The following NFILZ variants were observed in gnomAD, a reference collection of about 807,000 sequenced individuals.
NFILZ encodes the protein NFIL3 like basic leucine zipper.
chr19:8,645,988 T>C (rs1303347769), intron 3 of NFILZ, among the ~76,000 whole-genome samples: 1 of 152,232 alleles, frequency 6.6e-6, no homozygotes, highest in East Asian at 1.9e-4. Flanking sequence ...CCAACCTAAA[T>C]AATATGTGAC....
intron 2 of NFILZ, among the ~76,000 whole-genome samples, chr19:8,633,021 C>CTTT (rs140247462): frequency 0.066 from 7,766 of 118,380 alleles, 1,271 homozygotes; most frequent in African/African-American, 0.22. Context: ...CTGCACCTGC[C>CTTT]TTTTTTTTTT....
chr19:8,634,005 CT>C lies in NFILZ; in HGVS notation c.-261+1390del, dbSNP rs879968611. Among the ~76,000 whole-genome samples the C allele has an allele frequency of 2.5e-3, 321 of 130,388 alleles. 13 individuals are homozygous for C. Among genetic ancestry groups the C allele is most frequent in the Admixed American group, 5.1e-3 (61 of 12,048 alleles). The allele number at this position is 130,388 out of a possible 152,430, so 85.5% of individuals were successfully genotyped here. ...GCTTTCTTGCTTGCTTTCTTGTTTC[CT>C]TTTTTTTTTGAGATAGAGTCTTGCT... On this transcript the variant is annotated intron_variant, in intron 2 of 5. Coordinates refer to ENST00000691075, the MANE Select transcript of NFILZ (RefSeq NM_001378600.1).
chr19:8,656,514 T>TGAAGCCCACCTTCTCCC (rs2043004184), intron 3 of NFILZ, among the ~76,000 whole-genome samples: 3 of 50,138 alleles, frequency 6.0e-5, no homozygotes, highest in Admixed American at 1.9e-4. Context: ...CACCTTCTCC[T>TGAAGCCCACCTTCTCCC]GCAGCCCACC....
At chr19:8,640,248 G>T (rs1408230827) in intron 3 of NFILZ, among the ~76,000 whole-genome samples, 33 of 151,160 alleles carry the variant, frequency 2.2e-4, no homozygotes, top group Non-Finnish European at 1.0e-4. Context: ...CTGCCTGCAG[G>T]TTGCCTCTCA....
intron 3 of NFILZ, among the ~76,000 whole-genome samples, chr19:8,657,717 A>T (rs191615945): frequency 7.8e-4 from 118 of 152,226 alleles, no homozygotes; most frequent in African/African-American, 2.8e-3. Flanking sequence ...AATCATTGGA[A>T]TAATTACGGT....
intron 3 of NFILZ, among the ~76,000 whole-genome samples, chr19:8,671,656 C>T (rs879963237): frequency 4.6e-5 from 7 of 152,250 alleles, no homozygotes; most frequent in East Asian, 3.9e-4. Context: ...GTGTTCATCT[C>T]GGAGCTTGCC....
intron 3 of NFILZ, among the ~76,000 whole-genome samples, chr19:8,640,275 C>T (rs1453918477): frequency 6.6e-6 from 1 of 151,100 alleles, no homozygotes; most frequent in Non-Finnish European, 1.5e-5. Context: ...TGTGCTCTCC[C>T]AGTCTGGCCA....
intron 3 of NFILZ, among the ~76,000 whole-genome samples, chr19:8,671,945 A>T (rs1329932533): frequency 6.6e-6 from 1 of 152,178 alleles, no homozygotes; most frequent in Non-Finnish European, 1.5e-5. Context: ...GGGCAGTGGA[A>T]GACCCAGGCC....
intron 3 of NFILZ, among the ~76,000 whole-genome samples, chr19:8,641,396 G>A (rs2042918517): frequency 6.6e-6 from 1 of 152,024 alleles, no homozygotes; most frequent in Non-Finnish European, 1.5e-5. Context: ...ACTTGTTTAG[G>A]AATTCACCCA....
intron 3 of NFILZ, among the ~76,000 whole-genome samples, chr19:8,641,093 C>T (rs149402659): frequency 6.6e-6 from 1 of 152,272 alleles, no homozygotes; most frequent in African/African-American, 2.4e-5. Context: ...TCTTCAAGAG[C>T]ATATTCTCCA....
rs530879347 is a variant in NFILZ, at chr19:8,653,782, C to T, written c.-164+18036C>T. Among the ~76,000 whole-genome samples the T allele has an allele frequency of 4.6e-5, 7 of 152,216 alleles. No individual in the cohort carries two copies. The South Asian group carries it at 8.3e-4, about 18-fold the overall frequency. ...GGGAGCTAAGCTATGAGGATGCAAA[C>T]GCATAGAATGGCATCATGGATTTCA... On this transcript the variant is annotated intron_variant, in intron 3 of 5. Coordinates refer to ENST00000691075, the MANE Select transcript of NFILZ (RefSeq NM_001378600.1).
At chr19:8,656,031 C>T (rs1354044823) in intron 3 of NFILZ, among the ~76,000 whole-genome samples, 2 of 152,002 alleles carry the variant, frequency 1.3e-5, no homozygotes, top group African/African-American at 4.8e-5. Context: ...CTACCCTCTC[C>T]GAGGTTCTCT....
intron 3 of NFILZ, among the ~76,000 whole-genome samples, chr19:8,644,556 A>G (rs1368276075): frequency 6.6e-6 from 1 of 150,964 alleles, no homozygotes. Flanking sequence ...AACCTCCCAT[A>G]CTCAAGAGAT....
Position 8,636,930 on chromosome 19 carries a change from C to T in NFILZ, c.-164+1184C>T, listed in dbSNP as rs2042897436. Among the ~76,000 whole-genome samples the T allele has an allele frequency of 2.6e-5, 4 of 152,096 alleles. No individual in the cohort carries two copies. The South Asian group carries it at 8.3e-4, about 32-fold the overall frequency. The stretch of plus-strand genomic sequence containing the variant: ...TTGTATGGAGAGACAGGACACTGGT[C>T]CCCTGGATACTGGAGGGGGACAGTC... On this transcript the variant is annotated intron_variant, in intron 3 of 5. Transcript: ENST00000691075.
rs1244438876 is a variant in NFILZ at position 8,676,815 on chromosome 19, A to G, written c.50A>G (p.Lys17Arg). Residue 17 changes from lysine (K) to arginine (R), a missense_variant, in exon 6 of 6, where the codon AAG (lysine) becomes AGG (arginine). Lys to Arg is a conservative substitution (Grantham distance 26). Coordinates refer to ENST00000691075, the MANE Select transcript of NFILZ (RefSeq NM_001378600.1). ...CCAGATGTGTCTCAGAGTCATAGCA[A>G]GACCTTGTGGGGGGCTCGGGGCAGG... ...GLPDVSQSHS[K>R]TLWGARGRGP... is the part of the protein sequence containing the mutation. 6.6e-6 allele frequency: 1 copy of G among 152,540 alleles called. No individual in the cohort carries two copies. Among genetic ancestry groups the G allele is most frequent in the African/African-American group, 2.4e-5 (1 of 41,474 alleles). The allele number at this position is 152,540 out of a possible 1,614,324, so 9.4% of individuals were successfully genotyped here. A position where few individuals can be genotyped will look rare whatever the true frequency, so the allele number is the denominator to read the frequency against.
chr19:8,659,911 G>T (rs531392752), intron 3 of NFILZ, among the ~76,000 whole-genome samples: 5 of 152,052 alleles, frequency 3.3e-5, no homozygotes, highest in African/African-American at 4.8e-5. Context: ...CTAGGGTGGT[G>T]GGGGGAGGGC....
In NFILZ at chr19:8,656,465, A is replaced by AAACCCACCTCTTTCCGC. The variant is rs1555748479; in HGVS notation, c.-163-18085_-163-18084insACCCACCTCTTTCCGCA. ...CTCCTCGAAGCCCACCTTCTCTCTG[A>AAACCCACCTCTTTCCGC]AGCCCACCTTCTCCCGCAGCCCACC... On this transcript the variant is annotated intron_variant, in intron 3 of 5. Coordinates refer to ENST00000691075, the MANE Select transcript of NFILZ (RefSeq NM_001378600.1). Among the ~76,000 whole-genome samples the AAACCCACCTCTTTCCGC allele has an allele frequency of 2.7e-3, 209 of 78,474 alleles. 18 individuals carry two copies. Among genetic ancestry groups the AAACCCACCTCTTTCCGC allele is most frequent in the Middle Eastern group, 0.019 (2 of 104 alleles). The allele number at this position is 78,474 out of a possible 152,430, so 51.5% of individuals were successfully genotyped here. A position where few individuals can be genotyped will look rare whatever the true frequency, so the allele number is the denominator to read the frequency against.
intron 3 of NFILZ, among the ~76,000 whole-genome samples, chr19:8,652,025 A>G (rs1440070343): frequency 6.6e-6 from 1 of 152,216 alleles, no homozygotes; most frequent in Non-Finnish European, 1.5e-5. Flanking sequence ...CTAGAAAGAA[A>G]TAATAAAAGA....
chr19:8,633,196 A>G (rs1417004284), intron 2 of NFILZ, among the ~76,000 whole-genome samples: 2 of 151,160 alleles, frequency 1.3e-5, no homozygotes, highest in African/African-American at 4.9e-5. Flanking sequence ...AATTTTTTGT[A>G]TTTTCAGTCG....
Sources: gnomAD v4.1 joint callset for allele counts (sites outside exome capture counted in the v4.1 genomes callset) on GRCh38, gnomAD v4.1.1 for gene constraint, MANE v1.5 for transcripts, NCBI Gene and HGNC (gene_info 2026-07-23, HGNC 2026-07-21) for gene names.